TSC2: variants seen among roughly 807,000 people sequenced by gnomAD.
TSC2 encodes the protein TSC complex subunit 2.
A neutral mutation model predicts 202.2 loss-of-function variants in TSC2; 29 were observed. The ratio of observed to expected loss-of-function variants is 0.14; its 90% CI spans 0.11 to 0.20. The LOEUF (loss-of-function observed/expected upper bound fraction) is 0.20. Among genes scored for constraint, TSC2 ranks in the 10% least tolerant of loss-of-function variants. The probability of loss-of-function intolerance (pLI) is 1.00; values close to 1 mark genes in which losing one functional copy is unlikely to be tolerated. For synonymous variants in TSC2, 1,349 were observed against 1,044.0 expected (o/e 1.29, Z -5.63); for missense variants, 2,429 against 2,420.0 (o/e 1.00, Z -0.08).
intron 6 of TSC2, chr16:2,055,995 C>G: frequency 3.0e-6 from 2 of 671,258 alleles, no homozygotes. Context: ...TGCATGAGCT[C>G]TGTCTCACTC....
chr16:2,081,092 C>T (rs1432864181), intron 30 of TSC2: 1 of 238,476 alleles, frequency 4.2e-6, no homozygotes, highest in Non-Finnish European at 8.4e-6. Flanking sequence ...CCTTGCTAGC[C>T]GTAATTAGCT....
intron 2 of TSC2, 89 bp from the exon 3 acceptor site, chr16:2,050,311 A>C (rs1329942936): frequency 1.7e-6 from 2 of 1,196,920 alleles, no homozygotes; most frequent in East Asian, 4.7e-5. Flanking sequence ...TGGAAAATGC[A>C]GTGGGAGTCT....
At position 2,070,440 on chromosome 16, in the gene TSC2, C is replaced by A. The variant is rs45517191; in HGVS notation, c.1717-16C>A. ...TCACCTCCTGCGCCGTGGTGAGCTG[C>A]GTCCTCTCTCTGCAGACCAAGCTGT... On this transcript the variant is annotated splice_polypyrimidine_tract_variant and intron_variant, in intron 16 of 41. Coordinates refer to ENST00000219476, the MANE Select transcript of TSC2 (RefSeq NM_000548.5). The A allele has an allele frequency of 6.2e-7, 1 of 1,613,316 alleles. No homozygotes were observed. The highest frequency in any genetic ancestry group is 1.1e-5 in the South Asian group (1 of 91,090).
rs1275628528 is a variant in TSC2 at position 2,073,006 on chromosome 16, G to T, written c.2355+23G>T. The T allele has an allele frequency of 2.5e-6, 4 of 1,613,078 alleles. No homozygotes were observed. The East Asian group carries it at 8.9e-5, about 36-fold the overall frequency. On this transcript the variant is annotated intron_variant, in intron 21 of 41. Transcript: ENST00000219476. ...CAGGTAGGAGGTCAGAGCAGGACAG[G>T]CGAGCTTGATGGGGCCTGGGATTCG...
chr16:2,050,598 C>CTT (rs554452830), intron 3 of TSC2, 112 bp downstream of exon 3: 6,415 of 465,368 alleles, frequency 0.014, 12 homozygotes, highest in East Asian at 0.02. Context: ...CTGGTTTGCA[C>CTT]TTTTTTTTTT....
rs768500195 is a variant in TSC2 at position 2,082,442 on chromosome 16, C to G, written c.3821C>G (p.Ser1274Cys). ...PPLPRSNTVA[S>C]FSSLYQSSCQ... is the part of the protein sequence containing the mutation. ...ACACGGCCTTCCCTTGCAGTGGCCT[C>G]TTTCTCCTCCCTGTACCAGTCCAGC... Residue 1274 changes from serine to cysteine, a missense_variant, in exon 32 of 42, where the codon TCT becomes TGT. Physicochemically the swap from Ser to Cys is moderately radical, Grantham distance 112. Transcript: ENST00000219476. The G allele has an allele frequency of 1.2e-6, 2 of 1,612,626 alleles. No individual in the cohort carries two copies. Among genetic ancestry groups the G allele is most frequent in the Non-Finnish European group, 8.5e-7 (1 of 1,180,006 alleles).
Position 2,071,521 on chromosome 16 carries a change from C to T in TSC2, c.1851C>T (p.Phe617=), listed in dbSNP as rs1446662814. ...CCTCTTCCTGACAGGCCTTTGACTT[C>T]CTGTTGCTGCTGCGGGCCGACTCAC... is the stretch of plus-strand genomic sequence containing the variant. ...ASSIRLQAFD[F]LLLLRADSLH... Residue 617 remains phenylalanine (F), a synonymous_variant, in exon 18 of 42, where the codon TTC becomes TTT. Transcript: ENST00000219476. 2.5e-6 allele frequency: 4 copies of T among 1,613,554 alleles called. No individual in the cohort carries two copies. Among genetic ancestry groups the T allele is most frequent in the East Asian group, 2.2e-5 (1 of 44,904 alleles).
rs767749967 is a variant in TSC2 at position 2,062,482 on chromosome 16, CTCT to C, written c.1258-10_1258-8del. 2.2e-5 allele frequency: 36 copies of C among 1,602,216 alleles called. No individual in the cohort carries two copies. The highest frequency in any genetic ancestry group is 1.2e-4 in the Admixed American group (7 of 58,934). ...CGGAGGGGCAGAGGGGCAACACCGG[CTCT>C]TCTTTTGACAGGAGTCCTCCCTCCT... On this transcript the variant is annotated splice_polypyrimidine_tract_variant and intron_variant, in intron 12 of 41. Coordinates refer to ENST00000219476, the MANE Select transcript of TSC2 (RefSeq NM_000548.5).
chr16:2,083,153 C>A (rs776713314), intron 32 of TSC2: 4 of 456,856 alleles, frequency 8.8e-6, no homozygotes, highest in Middle Eastern at 3.5e-4. Context: ...GCTTCTACTT[C>A]CTCTCCCCCT....
intron 7 of TSC2, among the ~76,000 whole-genome samples, 168 bp downstream of exon 7, chr16:2,056,412 C>T (rs1309839325): frequency 1.3e-5 from 2 of 152,202 alleles, no homozygotes; most frequent in African/African-American, 4.8e-5. Context: ...TAGCCGGGCG[C>T]CTCCATGTGG....
At chr16:2,071,027 C>T (rs547938464) in intron 17 of TSC2, among the ~76,000 whole-genome samples, 5 of 148,930 alleles carry the variant, frequency 3.4e-5, no homozygotes, top group Admixed American at 1.3e-4. Flanking sequence ...GGAGGAGTTT[C>T]GCTGAGTTTG....
At chr16:2,086,672 C>T in intron 37 of TSC2, 60 bp from the exon 38 acceptor site, 1 of 1,600,282 alleles carries the variant, frequency 6.2e-7, no homozygotes. Flanking sequence ...TGCCCCAGTG[C>T]AAGGCACAGA....
chr16:2,057,213 G>A (rs1374905430), intron 9 of TSC2, 35 bp downstream of exon 9: 2 of 1,550,802 alleles, frequency 1.3e-6, no homozygotes, highest in Non-Finnish European at 1.7e-6. Flanking sequence ...GGCAGTGGAG[G>A]CCAGCACAGC....
intron 1 of TSC2, chr16:2,048,326 C>A: frequency 3.1e-6 from 3 of 952,414 alleles, no homozygotes; most frequent in Non-Finnish European, 5.0e-6. Context: ...GGCGGCAGTC[C>A]TAACCCGTGC....
intron 11 of TSC2, chr16:2,061,635 T>C (rs2086646563): frequency 3.3e-6 from 2 of 602,490 alleles, no homozygotes; most frequent in Admixed American, 2.4e-5. Flanking sequence ...TGAGAGGATC[T>C]GGGGGGTGTC....
At position 2,061,915 on chromosome 16, in the gene TSC2, G is replaced by A. The variant is rs1416852086; in HGVS notation, c.1164G>A (p.Leu388=). The A allele has an allele frequency of 1.2e-6, 2 of 1,614,084 alleles. No individual in the cohort carries two copies. The highest frequency in any genetic ancestry group is 2.7e-5 in the African/African-American group (2 of 74,934). ...PELRTIVHDL[L]TTVEELCDQN... Reference sequence around the variant, plus strand: ...TCAGGACCATCGTCCATGACCTGTTGACCACGGTGGAGGAGCTGTGTGACC... The same window carrying A: ...TCAGGACCATCGTCCATGACCTGTTAACCACGGTGGAGGAGCTGTGTGACC... Residue 388 remains leucine (L), a synonymous_variant, in exon 12 of 42, where the codon TTG becomes TTA. Coordinates refer to ENST00000219476, the MANE Select transcript of TSC2 (RefSeq NM_000548.5).
At chr16:2,072,002 C>T (rs1280626559) in intron 19 of TSC2, 68 bp downstream of exon 19, 1 of 1,507,676 alleles carries the variant, frequency 6.6e-7, no homozygotes, top group Non-Finnish European at 8.9e-7. Context: ...TGCCACCTGC[C>T]TGCTGGGCCT....
intron 14 of TSC2, 182 bp downstream of exon 14, chr16:2,063,235 G>A (rs1353843301): frequency 1.3e-6 from 1 of 756,628 alleles, no homozygotes; most frequent in Non-Finnish European, 2.2e-6. Flanking sequence ...CTCGTCCTGG[G>A]TGCCTCTGCC....
At position 2,084,636 on chromosome 16, in the gene TSC2, G is replaced by A. The variant is rs558737770; in HGVS notation, c.4414G>A (p.Gly1472Ser). 1.8e-5 allele frequency: 29 copies of A among 1,600,312 alleles called. No homozygotes were observed. In the South Asian group the frequency reaches 2.0e-4, roughly 11 times the overall value. ...TISDSAPSRR[G>S]KRVERDALKS... is the part of the protein sequence containing the mutation. The stretch of plus-strand genomic sequence containing the variant: ...CTCCGACTCGGCCCCATCACGCAGG[G>A]GCAAGAGAGTAGAGAGGGACGCCTT... The change falls in exon 34 of 42, where the codon GGC (glycine) becomes AGC (serine). Residue 1472 changes from glycine (G) to serine (S), a missense_variant. Physicochemically the swap from Gly to Ser is moderately conservative, Grantham distance 56. Coordinates refer to ENST00000219476, the MANE Select transcript of TSC2 (RefSeq NM_000548.5).
Sources: gnomAD v4.1 joint callset for allele counts (sites outside exome capture counted in the v4.1 genomes callset) on GRCh38, gnomAD v4.1.1 for gene constraint, MANE v1.5 for transcripts, NCBI Gene and HGNC (gene_info 2026-07-23, HGNC 2026-07-21) for gene names.